Variants in WLS observed in about 807,000 individuals in gnomAD.
WLS encodes the protein protein wntless homolog.
In WLS, 23 loss-of-function variants were observed where a neutral mutation model predicts 62.8. The observed-to-expected ratio is 0.37, with a 90% confidence interval of 0.26 to 0.52. The LOEUF is 0.52. WLS is among the 20% of genes least tolerant of loss of function. The pLI is 0.92. For synonymous variants in WLS, 246 were observed against 244.1 expected (o/e 1.01, Z -0.07); for missense variants, 615 against 697.3 (o/e 0.88, Z 1.33).
chr1:68,123,305 CGTT>C (rs1461917138), downstream of WLS, among the ~76,000 whole-genome samples: 1 of 152,154 alleles, frequency 6.6e-6, no homozygotes, highest in South Asian at 2.1e-4. Context: ...GGACATCTAA[CGTT>C]GTTTCTTTCG....
chr1:68,152,006 A>C (rs1250310414), intron 5 of WLS, among the ~76,000 whole-genome samples: 1 of 152,204 alleles, frequency 6.6e-6, no homozygotes, highest in Non-Finnish European at 1.5e-5. Context: ...GGGTGGCAGC[A>C]GTGGAATTGG....
chr1:68,113,093 C>T (rs1462468310), intron 11 of WLS, among the ~76,000 whole-genome samples: 1 of 152,224 alleles, frequency 6.6e-6, no homozygotes, highest in Non-Finnish European at 1.5e-5. Context: ...CTTAGTCCCA[C>T]CACAGGAAGC....
At chr1:68,210,271 T>C (rs562135221) in intron 1 of WLS, among the ~76,000 whole-genome samples, 1 of 152,312 alleles carries the variant, frequency 6.6e-6, no homozygotes, top group Non-Finnish European at 1.5e-5. Context: ...ACAGCAAGTA[T>C]GGTCAGGAGT....
intron 3 of WLS, among the ~76,000 whole-genome samples, chr1:68,156,983 G>A (rs1288754424): frequency 2.6e-5 from 4 of 152,192 alleles, no homozygotes; most frequent in East Asian, 1.9e-4. Flanking sequence ...ACTTGAGGGC[G>A]GAAGGGAACA....
intron 3 of WLS, among the ~76,000 whole-genome samples, chr1:68,156,653 A>G (rs552655662): frequency 9.2e-5 from 14 of 152,320 alleles, no homozygotes; most frequent in African/African-American, 3.1e-4. Flanking sequence ...TGTCAGACAC[A>G]CCAGTTGATT....
intron 2 of WLS, chr1:68,183,736 G>A: frequency 4.9e-6 from 1 of 203,012 alleles, no homozygotes; most frequent in Non-Finnish European, 1.1e-5. Context: ...ATGGACAAAT[G>A]GAAAAGCACA....
At chr1:68,120,053 C>G (rs1050715662) in intron 11 of WLS, among the ~76,000 whole-genome samples, 13 of 152,268 alleles carry the variant, frequency 8.5e-5, no homozygotes, top group Admixed American at 4.6e-4. Flanking sequence ...ATTAATAAAC[C>G]ACCCCTGTGA....
intron 11 of WLS, among the ~76,000 whole-genome samples, chr1:68,135,163 G>A (rs1375093917): frequency 6.6e-6 from 1 of 151,698 alleles, no homozygotes; most frequent in Non-Finnish European, 1.5e-5. Flanking sequence ...TTTGAGACAG[G>A]GCCTCCTCTA....
chr1:68,162,904 G>A, intron 2 of WLS: 3 of 1,563,266 alleles, frequency 1.9e-6, no homozygotes, highest in Non-Finnish European at 2.6e-6. Context: ...TGCGTGGACT[G>A]CGCGTCACAG....
In WLS at chr1:68,172,737, C is replaced by T. The variant is rs183830149; in HGVS notation, c.380-13490G>A. 3.4e-4 allele frequency among the ~76,000 whole-genome samples: 51 copies of T among 152,204 alleles called. No individual in the cohort carries two copies. In the Middle Eastern group the frequency reaches 0.01, roughly 30 times the overall value. On this transcript the variant is annotated intron_variant, in intron 2 of 11. Transcript: ENST00000262348. ...CAATGAATTGCAGAATAGGAGTTCA[C>T]TAGGCAGCGAGATAGGAAAAGGCAT...
chr1:68,165,906 C>T (rs1647053370), intron 2 of WLS, among the ~76,000 whole-genome samples: 1 of 152,152 alleles, frequency 6.6e-6, no homozygotes. Flanking sequence ...ATACTGTTTC[C>T]CCAAGCCAGA....
chr1:68,140,050 A>G (rs1169347805), intron 10 of WLS, among the ~76,000 whole-genome samples: 2 of 152,270 alleles, frequency 1.3e-5, no homozygotes, highest in Admixed American at 6.5e-5. Context: ...AAGGATAAGC[A>G]TATTTATTCA....
chr1:68,159,557 G>T (rs1204716970), intron 2 of WLS, among the ~76,000 whole-genome samples: 2 of 152,092 alleles, frequency 1.3e-5, no homozygotes, highest in African/African-American at 4.8e-5. Flanking sequence ...TTGTACCATG[G>T]GTCCTAGGTC....
At chr1:68,170,143 A>T (rs1647124953) in intron 2 of WLS, among the ~76,000 whole-genome samples, 1 of 148,944 alleles carries the variant, frequency 6.7e-6, no homozygotes, top group South Asian at 2.2e-4. Context: ...GCACTCAGTC[A>T]ATGCTGGCTA....
At chr1:68,196,709 T>C (rs1028623734) in intron 1 of WLS, among the ~76,000 whole-genome samples, 1 of 152,140 alleles carries the variant, frequency 6.6e-6, no homozygotes, top group African/African-American at 2.4e-5. Context: ...TAGCTGAACA[T>C]CCTTCATGTA....
rs1346626899 is a variant in WLS, at chr1:68,173,406, G to C, written c.380-14159C>G. Among the ~76,000 whole-genome samples the C allele has an allele frequency of 5.1e-5, 7 of 137,806 alleles. No homozygotes were observed. The South Asian group carries it at 7.5e-4, about 15-fold the overall frequency. 90.4% of individuals were successfully genotyped at this position (137,806 alleles called of 152,430 possible). On this transcript the variant is annotated intron_variant, in intron 2 of 11. Coordinates refer to ENST00000262348, the MANE Select transcript of WLS (RefSeq NM_024911.7). ...TTGATCGTTGTGAAAATCTACCTGC[G>C]TGCCCCTCTCTCTCTCTCTCTCTCT...
At chr1:68,171,737 T>C (rs567476736) in intron 2 of WLS, among the ~76,000 whole-genome samples, 9 of 152,304 alleles carry the variant, frequency 5.9e-5, no homozygotes, top group East Asian at 1.9e-4. Context: ...AGTTCAACCA[T>C]TGTGGAAGAC....
chr1:68,170,866 C>T (rs1328865126), intron 2 of WLS, among the ~76,000 whole-genome samples: 2 of 151,582 alleles, frequency 1.3e-5, no homozygotes, highest in South Asian at 4.1e-4. Context: ...CTGACTCAGT[C>T]TTGTTCACAG....
At chr1:68,213,451 C>CA (rs900446226) in intron 1 of WLS, among the ~76,000 whole-genome samples, 3,015 of 49,788 alleles carry the variant, frequency 0.061, 68 homozygotes, top group Admixed American at 0.1. Flanking sequence ...AACTTCATTC[C>CA]AAAAAAAAAA....
Sources: gnomAD v4.1 joint callset for allele counts (sites outside exome capture counted in the v4.1 genomes callset) on GRCh38, gnomAD v4.1.1 for gene constraint, MANE v1.5 for transcripts, NCBI Gene and HGNC (gene_info 2026-07-23, HGNC 2026-07-21) for gene names.